The following SPATS1 variants were observed in gnomAD, a reference collection of about 807,000 sequenced individuals.
The protein encoded by SPATS1 is spermatogenesis associated serine rich 1.
In SPATS1, 23 loss-of-function variants were observed where a neutral mutation model predicts 33.6. The observed-to-expected ratio is 0.68, with a 90% confidence interval of 0.49 to 0.97. The LOEUF (loss-of-function observed/expected upper bound fraction) is 0.97. Ranked by LOEUF, SPATS1 falls within the 50% of genes least tolerant of loss-of-function variation. SPATS1 has a pLI of 0.00. For synonymous variants in SPATS1, 131 were observed against 125.6 expected (o/e 1.04, Z -0.29); for missense variants, 327 against 361.0 (o/e 0.91, Z 0.76).
At chr6:44,351,122 C>CAAAAAAAAAAAAAAAAAAAAAAAAAAA (rs34139961) in intron 2 of SPATS1, among the ~76,000 whole-genome samples, 1 of 75,518 alleles carries the variant, frequency 1.3e-5, no homozygotes, top group Non-Finnish European at 2.6e-5. Context: ...GACTCTGTGT[C>CAAAAAAAAAAAAAAAAAAAAAAAAAAA]AAAAAAAAAA....
intron 2 of SPATS1, among the ~76,000 whole-genome samples, chr6:44,349,050 G>A (rs1415430098): frequency 6.6e-6 from 1 of 152,152 alleles, no homozygotes; most frequent in Non-Finnish European, 1.5e-5. Context: ...AGAATCGCTT[G>A]AACCCAAGAG....
chr6:44,360,594 A>T (rs768953076), intron 4 of SPATS1, 24 bp downstream of exon 4: 5 of 1,612,974 alleles, frequency 3.1e-6, no homozygotes, highest in Non-Finnish European at 4.2e-6. Context: ...CCTCCTCCAC[A>T]TGCTTCTGTG....
At chr6:44,362,814 A>G (rs950086990) in intron 5 of SPATS1, among the ~76,000 whole-genome samples, 12 of 152,096 alleles carry the variant, frequency 7.9e-5, no homozygotes, top group Non-Finnish European at 1.6e-4. Context: ...ATTGATATGG[A>G]AATCCGTGAG....
rs138260703 is a variant in SPATS1, at chr6:44,349,063, G to A, written c.140-3663G>A. Among the ~76,000 whole-genome samples the A allele has an allele frequency of 3.7e-3, 561 of 152,166 alleles. 3 individuals carry two copies. The highest frequency in any genetic ancestry group is 0.013 in the African/African-American group (537 of 41,512). ...GGAGAATCGCTTGAACCCAAGAGGC[G>A]GAGGTTGCAGTGAGCTGAGATTGCA... On this transcript the variant is annotated intron_variant, in intron 2 of 8. Coordinates refer to ENST00000674044, the MANE Select transcript of SPATS1 (RefSeq NM_001372081.1).
At chr6:44,350,788 C>T (rs534015106) in intron 2 of SPATS1, among the ~76,000 whole-genome samples, 2 of 152,276 alleles carry the variant, frequency 1.3e-5, no homozygotes, top group South Asian at 4.2e-4. Context: ...ACGGGTTCTG[C>T]ATTGGCAGAT....
At chr6:44,369,907 T>TAAAAC (rs1336075149) in intron 6 of SPATS1, 144 bp from the exon 7 acceptor site, 3 of 427,576 alleles carry the variant, frequency 7.0e-6, no homozygotes, top group Admixed American at 3.9e-5. Flanking sequence ...TAAAATAAAA[T>TAAAAC]AAAATCTGCG....
At chr6:44,347,118 GC>G (rs2153364890) in intron 2 of SPATS1, among the ~76,000 whole-genome samples, 1 of 152,156 alleles carries the variant, frequency 6.6e-6, no homozygotes, top group South Asian at 2.1e-4. Flanking sequence ...CCAAACTAAC[GC>G]AAAAATGGAA....
In SPATS1 at chr6:44,377,156, G is replaced by A; in HGVS notation, c.*93G>A. The A allele has an allele frequency of 6.7e-7, 1 of 1,482,972 alleles. No homozygotes were observed. The highest frequency in any genetic ancestry group is 1.4e-5 in the African/African-American group (1 of 72,276). 91.9% of individuals were successfully genotyped at this position (1,482,972 alleles called of 1,614,324 possible). On this transcript the variant is annotated 3_prime_UTR_variant, in exon 9 of 9. Coordinates refer to ENST00000674044, the MANE Select transcript of SPATS1 (RefSeq NM_001372081.1). The stretch of plus-strand genomic sequence containing the variant: ...GTCATGTGACTGTTCTAAATCCAGT[G>A]TTTGACCCTTATGAGGAAGTGTTGT...
intron 6 of SPATS1, among the ~76,000 whole-genome samples, chr6:44,369,738 G>A (rs975169775): frequency 2.0e-5 from 3 of 151,898 alleles, no homozygotes; most frequent in Non-Finnish European, 4.4e-5. Flanking sequence ...TGGGCATGGT[G>A]GTGTGTGCCT....
At chr6:44,348,947 A>G (rs1258884569) in intron 2 of SPATS1, among the ~76,000 whole-genome samples, 3 of 152,216 alleles carry the variant, frequency 2.0e-5, no homozygotes, top group Non-Finnish European at 4.4e-5. Flanking sequence ...CTTGGCCAAC[A>G]TGGTGAAACC....
At chr6:44,376,322 C>A in intron 7 of SPATS1, 36 bp from the exon 8 acceptor site, 3 of 1,458,304 alleles carry the variant, frequency 2.1e-6, no homozygotes, top group Admixed American at 1.8e-5. Flanking sequence ...AATTTTGCAT[C>A]AAACTACAAC....
intron 8 of SPATS1, among the ~76,000 whole-genome samples, chr6:44,376,804 C>CACAA (rs139487923): frequency 1.3e-5 from 2 of 151,888 alleles, no homozygotes; most frequent in Non-Finnish European, 2.9e-5. Flanking sequence ...TTGCCTCAAA[C>CACAA]ACAAACAAAC....
At chr6:44,362,074 C>T in intron 5 of SPATS1, 82 bp downstream of exon 5, 1 of 1,550,550 alleles carries the variant, frequency 6.4e-7, no homozygotes, top group Non-Finnish European at 8.9e-7. Context: ...CATTCTGTAG[C>T]TGGGGGCAGC....
At chr6:44,342,868 G>A (rs1012016392) in intron 1 of SPATS1, 100 bp downstream of exon 1, 2 of 1,295,928 alleles carry the variant, frequency 1.5e-6, no homozygotes, top group Non-Finnish European at 1.1e-6. Context: ...CTGGATGGGG[G>A]CTGCAGCGAG....
intron 2 of SPATS1, among the ~76,000 whole-genome samples, chr6:44,350,451 C>T (rs529888293): frequency 6.6e-6 from 1 of 152,256 alleles, no homozygotes; most frequent in African/African-American, 2.4e-5. Context: ...AATAGGTCTG[C>T]GATGGAATTT....
At chr6:44,353,440 G>C (rs1217193309) in intron 3 of SPATS1, among the ~76,000 whole-genome samples, 2 of 152,106 alleles carry the variant, frequency 1.3e-5, no homozygotes, top group Non-Finnish European at 2.9e-5. Context: ...GGCTGGAGTA[G>C]AGTGGTGTTA....
Position 44,373,384 on chromosome 6 carries a change from A to C in SPATS1, c.759-2974A>C, listed in dbSNP as rs74502297. On this transcript the variant is annotated intron_variant, in intron 7 of 8. Transcript: ENST00000674044. ...CATTCTGAAAATTGTTATTTCATAC[A>C]TTTTGTCCAGTTTTCTACTTGTTTA... Among the ~76,000 whole-genome samples, 1,223 of 152,266 alleles carry C rather than the reference A, an allele frequency of 8.0e-3. 15 individuals are homozygous for C. The highest frequency in any genetic ancestry group is 0.028 in the African/African-American group (1,170 of 41,554).
Position 44,370,062 on chromosome 6 carries a change from A to G in SPATS1, c.707A>G (p.Glu236Gly), listed in dbSNP as rs559219655. The change falls in exon 7 of 9, where the codon GAA (glutamate) becomes GGA (glycine). Residue 236 changes from glutamate (E) to glycine (G), a missense_variant. Physicochemically the swap from Glu to Gly is moderately conservative, Grantham distance 98. Transcript: ENST00000674044. ...TTTCTGTTTTTCAGAGTGCCTTATGAAAAGAAATTTGATACATTTATTCCA... is the reference window on the plus strand; with the variant it reads ...TTTCTGTTTTTCAGAGTGCCTTATGGAAAGAAATTTGATACATTTATTCCA... ...PPVNFSIVPY[E>G]KKFDTFIPLE... 9 of 1,612,254 alleles carry G rather than the reference A, an allele frequency of 5.6e-6. No individual in the cohort carries two copies. The highest frequency in any genetic ancestry group is 7.6e-6 in the Non-Finnish European group (9 of 1,178,710).
intron 5 of SPATS1, among the ~76,000 whole-genome samples, chr6:44,365,580 G>A (rs1789195050): frequency 6.6e-6 from 1 of 152,144 alleles, no homozygotes; most frequent in African/African-American, 2.4e-5. Flanking sequence ...CCATAGAAGG[G>A]TAAAGAGAAA....
Sources: gnomAD v4.1 joint callset for allele counts (sites outside exome capture counted in the v4.1 genomes callset) on GRCh38, gnomAD v4.1.1 for gene constraint, MANE v1.5 for transcripts, NCBI Gene and HGNC (gene_info 2026-07-23, HGNC 2026-07-21) for gene names.